The following GTF2IRD1 variants were observed in gnomAD, a reference collection of about 807,000 sequenced individuals.
GTF2IRD1 encodes general transcription factor II-I repeat domain-containing protein 1.
In GTF2IRD1, 26 loss-of-function variants were observed where a neutral mutation model predicts 113.2. The observed-to-expected ratio is 0.23, with a 90% CI of 0.17 to 0.32. GTF2IRD1 has a LOEUF of 0.32. Ranked by LOEUF, GTF2IRD1 falls within the 10% of genes least tolerant of loss-of-function variation. The pLI, the probability that GTF2IRD1 is intolerant of heterozygous loss-of-function variation, is 1.00. For synonymous variants in GTF2IRD1, 484 were observed against 529.1 expected, an observed-to-expected ratio of 0.91 and a Z score of 1.17; for missense variants, 864 against 1,280.8, an observed-to-expected ratio of 0.67 and a Z score of 4.97.
intron 1 of GTF2IRD1, among the ~76,000 whole-genome samples, chr7:74,479,511 C>A (rs951148602): frequency 6.6e-6 from 1 of 152,102 alleles, no homozygotes; most frequent in African/African-American, 2.4e-5. Flanking sequence ...GTGGGTGCTG[C>A]GGTGGGGCAG....
At chr7:74,544,901 C>T (rs1440284958) in intron 15 of GTF2IRD1, 99 bp downstream of exon 15, 1 of 889,812 alleles carries the variant, frequency 1.1e-6, no homozygotes, top group East Asian at 2.6e-5. Context: ...TCTTCGTTCT[C>T]TCCACCTCAT....
chr7:74,484,432 C>A (rs1794904934), intron 1 of GTF2IRD1, among the ~76,000 whole-genome samples: 3 of 151,608 alleles, frequency 2.0e-5, no homozygotes, highest in Admixed American at 2.0e-4. Flanking sequence ...CAGGCATGAG[C>A]CACCACACCC....
At chr7:74,464,050 T>G (rs561699577) in intron 1 of GTF2IRD1, among the ~76,000 whole-genome samples, 22 of 152,286 alleles carry the variant, frequency 1.4e-4, no homozygotes, top group African/African-American at 4.6e-4. Context: ...CAGAGTTACC[T>G]GTTAGAGCTC....
chr7:74,545,848 C>G (rs782131970), intron 16 of GTF2IRD1, 39 bp downstream of exon 16: 10 of 1,477,638 alleles, frequency 6.8e-6, no homozygotes, highest in Non-Finnish European at 9.5e-6. Flanking sequence ...GGCATCCCGG[C>G]CCCCCTCCAG....
In GTF2IRD1 at chr7:74,496,498, T is replaced by G. The variant is rs546280772; in HGVS notation, c.-6-11577T>G. Among the ~76,000 whole-genome samples the G allele has an allele frequency of 1.6e-4, 24 of 148,700 alleles. No homozygotes were observed. In the East Asian group the frequency reaches 4.0e-3, roughly 25 times the overall value. ...GGGTGTGCACGTATGTGTGTGTGTGTGTGTTCATGTGGGTGTGCGTGTGTG... is the reference window on the plus strand; with the variant it reads ...GGGTGTGCACGTATGTGTGTGTGTGGGTGTTCATGTGGGTGTGCGTGTGTG... On this transcript the variant is annotated intron_variant, in intron 1 of 26. Transcript: ENST00000424337.
At chr7:74,517,844 C>T (rs1797040086) in intron 4 of GTF2IRD1, among the ~76,000 whole-genome samples, 1 of 152,166 alleles carries the variant, frequency 6.6e-6, no homozygotes, top group Admixed American at 6.5e-5. Context: ...TCCCCGATTT[C>T]CCCTCCAGCC....
In GTF2IRD1 at chr7:74,591,000, C is replaced by A; in HGVS notation, c.2574C>A (p.Val858=). Residue 858 remains valine (V), a synonymous_variant, in exon 24 of 27, where the codon GTC becomes GTA. Coordinates refer to ENST00000424337, the MANE Select transcript of GTF2IRD1 (RefSeq NM_005685.4). ...ILKAREHVRM[V]IINQLQPFAE... ...AGGCCCGAGAGCATGTCCGCATGGT[C>A]ATCATTAACCAGCTCCAGTGAGTGC... The A allele has an allele frequency of 6.2e-7, 1 of 1,611,052 alleles. No homozygotes were observed. Among genetic ancestry groups the A allele is most frequent in the South Asian group, 1.1e-5 (1 of 90,932 alleles).
In GTF2IRD1 at chr7:74,555,351, C is replaced by G. The variant is rs781862284; in HGVS notation, c.1967-87C>G. ...CTGGCCCTGGCATTCTCCCCACACC[C>G]CCACATTGGGTTTCCCCTAACGATG... On this transcript the variant is annotated intron_variant, in intron 18 of 26. Coordinates refer to ENST00000424337, the MANE Select transcript of GTF2IRD1 (RefSeq NM_005685.4). This position sits in a 1 kb window ranked among gnomAD's most constrained non-coding sequence, Gnocchi z 5.3. The G allele has an allele frequency of 1.0e-5, 15 of 1,481,454 alleles. No individual in the cohort carries two copies. The highest frequency in any genetic ancestry group is 1.3e-5 in the Non-Finnish European group (14 of 1,059,862). 91.8% of individuals were successfully genotyped at this position (1,481,454 alleles called of 1,614,324 possible).
rs1405594937 is a variant in GTF2IRD1, at chr7:74,488,798, G to C, written c.-6-19277G>C. 4.0e-5 allele frequency among the ~76,000 whole-genome samples: 6 copies of C among 151,434 alleles called. No homozygotes were observed. In the East Asian group the frequency reaches 9.8e-4, roughly 25 times the overall value. ...AAGAAAAGAAACTCTAGTCCTGGGG[G>C]GGTAAAAAAGGAAAGAAGAAAAGAA... On this transcript the variant is annotated intron_variant, in intron 1 of 26. Coordinates refer to ENST00000424337, the MANE Select transcript of GTF2IRD1 (RefSeq NM_005685.4).
intron 22 of GTF2IRD1, among the ~76,000 whole-genome samples, chr7:74,578,684 G>T (rs1437579511): frequency 2.6e-5 from 4 of 151,992 alleles, no homozygotes; most frequent in African/African-American, 9.7e-5. Context: ...CCATTGTTTT[G>T]CTGTTACTAA....
intron 22 of GTF2IRD1, among the ~76,000 whole-genome samples, chr7:74,575,380 C>T (rs1377427649): frequency 6.6e-6 from 1 of 152,160 alleles, no homozygotes; most frequent in Non-Finnish European, 1.5e-5. Context: ...TGGAGATGGA[C>T]AGGGAAGATG....
rs552431682 is a variant in GTF2IRD1, at chr7:74,512,703, G to A, written c.124-127G>A. 29 of 791,686 alleles carry A rather than the reference G, an allele frequency of 3.7e-5. No individual in the cohort carries two copies. The East Asian group carries it at 5.0e-4, about 14-fold the overall frequency. The allele number at this position is 791,686 out of a possible 1,614,324, so 49.0% of individuals were successfully genotyped here. A position where few individuals can be genotyped will look rare whatever the true frequency, so the allele number is the denominator to read the frequency against. On this transcript the variant is annotated intron_variant, in intron 2 of 26. Coordinates refer to ENST00000424337, the MANE Select transcript of GTF2IRD1 (RefSeq NM_005685.4). This position sits in a 1 kb window ranked among gnomAD's most constrained non-coding sequence, Gnocchi z 4.4. ...TGAGACCAAGAACAGTAGAGGGGCC[G>A]TCTGTCCCTGGAGCTGCTGCTGGGG...
Position 74,519,725 on chromosome 7 carries a change from A to G in GTF2IRD1, c.916+6A>G, listed in dbSNP as rs782147130. The G allele has an allele frequency of 3.2e-6, 5 of 1,547,886 alleles. No individual in the cohort carries two copies. Among genetic ancestry groups the G allele is most frequent in the African/African-American group, 1.4e-5 (1 of 73,288 alleles). ...AGACTTCTCCGACTGTTGTGGTAAC[A>G]TTGCTGCTGGGATCTCCAAGTCTAG... On this transcript the variant is annotated splice_donor_region_variant and intron_variant, in intron 6 of 26. Transcript: ENST00000424337.
At chr7:74,520,650 C>G (rs1234076270) in intron 6 of GTF2IRD1, among the ~76,000 whole-genome samples, 1 of 150,734 alleles carries the variant, frequency 6.6e-6, no homozygotes, top group Non-Finnish European at 1.5e-5. Flanking sequence ...TGAATTAAAG[C>G]GCTGGGTCTT....
intron 1 of GTF2IRD1, among the ~76,000 whole-genome samples, chr7:74,495,230 C>T (rs1289686241): frequency 4.6e-5 from 7 of 152,100 alleles, no homozygotes; most frequent in East Asian, 1.9e-4. Flanking sequence ...TTGGGAAGGG[C>T]GGGACAGGGC....
At chr7:74,490,148 T>G (rs1289881119) in intron 1 of GTF2IRD1, among the ~76,000 whole-genome samples, 2 of 152,102 alleles carry the variant, frequency 1.3e-5, no homozygotes, top group Non-Finnish European at 2.9e-5. Flanking sequence ...TTTGTTTTTT[T>G]GTAGAGATGG....
chr7:74,579,493 C>T (rs1332316792), intron 22 of GTF2IRD1, among the ~76,000 whole-genome samples: 3 of 151,952 alleles, frequency 2.0e-5, no homozygotes, highest in East Asian at 1.9e-4. Context: ...TGGCTCGTGC[C>T]GGTAGTCTCA....
chr7:74,497,593 T>A (rs1327383262), intron 1 of GTF2IRD1, among the ~76,000 whole-genome samples: 2 of 152,068 alleles, frequency 1.3e-5, no homozygotes, highest in Non-Finnish European at 2.9e-5. Context: ...ACCGCCATGC[T>A]GTTTTCCACA....
At chr7:74,550,625 C>T (rs1349686935) in intron 17 of GTF2IRD1, among the ~76,000 whole-genome samples, 3 of 151,470 alleles carry the variant, frequency 2.0e-5, no homozygotes, top group Admixed American at 6.6e-5. Flanking sequence ...AAATACATTC[C>T]GTCCAGGCGT....
Sources: allele counts gnomAD v4.1 joint callset (sites outside exome capture counted in the v4.1 genomes callset), GRCh38; gene constraint gnomAD v4.1.1; non-coding constraint Gnocchi (gnomAD v3.1); transcripts MANE v1.5; gene names NCBI Gene and HGNC (gene_info 2026-07-23, HGNC 2026-07-21).